Variants in YY1 observed in about 807,000 individuals in gnomAD.
YY1 encodes the protein transcriptional repressor protein YY1.
Under a neutral mutation model 35.6 loss-of-function variants are expected in YY1, and 2 were observed. That is an observed-to-expected ratio of 0.06 (90% CI 0.02 to 0.18). The LOEUF is 0.18. YY1 is among the 10% of genes least tolerant of loss of function. YY1 has a pLI of 1.00. For synonymous variants in YY1, 268 were observed against 238.9 expected (o/e 1.12, Z -1.12); for missense variants, 322 against 573.4 (o/e 0.56, Z 4.48).
At chr14:100,246,731 G>GT (rs1890839116) in intron 1 of YY1, among the ~76,000 whole-genome samples, 1 of 152,134 alleles carries the variant, frequency 6.6e-6, no homozygotes, top group South Asian at 2.1e-4. Flanking sequence ...AGTCATGACC[G>GT]TTTGCCATTC....
chr14:100,248,976 C>T (rs1890879883), intron 1 of YY1, among the ~76,000 whole-genome samples: 1 of 151,996 alleles, frequency 6.6e-6, no homozygotes, highest in Admixed American at 6.6e-5. Context: ...CGTTAGCCAT[C>T]ACGCCCAGCC....
Position 100,279,618 on chromosome 14 carries a change from C to T in YY1, c.*2018C>T, listed in dbSNP as rs1189418714. ...AGCCCATGGTGGAGGTCTTCAGTGC[C>T]GAGGGCTCGGATGAGAACGTGTAGT... On this transcript the variant is annotated 3_prime_UTR_variant, in exon 5 of 5. Transcript: ENST00000262238. 2 of 152,234 alleles carry T rather than the reference C, an allele frequency of 1.3e-5. No individual in the cohort carries two copies. The highest frequency in any genetic ancestry group is 2.9e-5 in the Non-Finnish European group (2 of 68,062). The allele number at this position is 152,234 out of a possible 1,614,324, so 9.4% of individuals were successfully genotyped here.
At chr14:100,272,936 C>T (rs1566780886) in intron 2 of YY1, among the ~76,000 whole-genome samples, 2 of 149,008 alleles carry the variant, frequency 1.3e-5, no homozygotes, top group Admixed American at 6.8e-5. Context: ...AGTAGTGGCC[C>T]CCAGCTAGTT....
intron 1 of YY1, among the ~76,000 whole-genome samples, chr14:100,242,378 GTTTTTTTTTTTTTTTT>G (rs57406488): frequency 9.1e-6 from 1 of 109,936 alleles, no homozygotes; most frequent in African/African-American, 3.1e-5. Flanking sequence ...TTTGTTTTTT[GTTTTTTTTTTTTTTTT>G]TTTTTTTTTT....
intron 3 of YY1, among the ~76,000 whole-genome samples, chr14:100,275,049 G>C (rs1891299459): frequency 2.0e-5 from 3 of 152,136 alleles, no homozygotes; most frequent in Admixed American, 1.3e-4. Flanking sequence ...TTAAGATCCT[G>C]GGTTGTGTCT....
At position 100,282,166 on chromosome 14, in the gene YY1, C is replaced by T. The variant is rs755550032; in HGVS notation, c.*4566C>T. 28 of 152,186 alleles carry T rather than the reference C, an allele frequency of 1.8e-4. No homozygotes were observed. The highest frequency in any genetic ancestry group is 3.7e-4 in the Non-Finnish European group (25 of 68,036). The allele number at this position is 152,186 out of a possible 1,614,324, so 9.4% of individuals were successfully genotyped here. On this transcript the variant is annotated 3_prime_UTR_variant, in exon 5 of 5. Transcript: ENST00000262238. Reference sequence around the variant, plus strand: ...AGCAGGCACCCAGCCCCATGTCCCCCGCCAGCATTCTGGATGTCAGAGGAG... The same window carrying T: ...AGCAGGCACCCAGCCCCATGTCCCCTGCCAGCATTCTGGATGTCAGAGGAG...
intron 2 of YY1, among the ~76,000 whole-genome samples, chr14:100,264,676 T>A (rs1297424771): frequency 6.6e-6 from 1 of 152,086 alleles, no homozygotes; most frequent in East Asian, 1.9e-4. Flanking sequence ...AGCGTTAACT[T>A]GGGAGAAGTC....
intron 1 of YY1, among the ~76,000 whole-genome samples, chr14:100,240,313 C>T (rs917423276): frequency 8.2e-5 from 12 of 146,590 alleles, no homozygotes; most frequent in Admixed American, 8.1e-4. Context: ...CCGGCCCGGG[C>T]GGGACGCGGG....
intron 2 of YY1, among the ~76,000 whole-genome samples, chr14:100,263,555 A>C (rs1036002918): frequency 6.6e-6 from 1 of 152,168 alleles, no homozygotes; most frequent in Non-Finnish European, 1.5e-5. Context: ...CAAAGATGTA[A>C]ACTTTTAAGT....
At chr14:100,246,117 G>A (rs867929727) in intron 1 of YY1, among the ~76,000 whole-genome samples, 1 of 152,174 alleles carries the variant, frequency 6.6e-6, no homozygotes. Context: ...AAGTTGCATT[G>A]CCATGTGCAT....
At chr14:100,253,550 A>C (rs1235823824) in intron 1 of YY1, among the ~76,000 whole-genome samples, 1 of 151,898 alleles carries the variant, frequency 6.6e-6, no homozygotes, top group Non-Finnish European at 1.5e-5. Flanking sequence ...CCCGAATAGC[A>C]GGGATTACAG....
intron 1 of YY1, among the ~76,000 whole-genome samples, chr14:100,244,550 T>TG (rs1255606041): frequency 6.6e-6 from 1 of 151,380 alleles, no homozygotes; most frequent in Non-Finnish European, 1.5e-5. Context: ...CCCAAAGTGT[T>TG]GGGATTACCA....
intron 1 of YY1, among the ~76,000 whole-genome samples, chr14:100,241,983 G>GC (rs1890751878): frequency 2.0e-5 from 3 of 150,822 alleles, no homozygotes; most frequent in African/African-American, 7.3e-5. Flanking sequence ...TCAAAAGGGG[G>GC]GGGGGGGCAT....
At chr14:100,258,838 C>G (rs915136191) in intron 1 of YY1, among the ~76,000 whole-genome samples, 1 of 152,220 alleles carries the variant, frequency 6.6e-6, no homozygotes. Flanking sequence ...CAATTGTATT[C>G]AGTGCTTTTC....
chr14:100,254,758 A>G (rs1417785125), intron 1 of YY1, among the ~76,000 whole-genome samples: 1 of 136,644 alleles, frequency 7.3e-6, no homozygotes, highest in Non-Finnish European at 1.6e-5. Flanking sequence ...TGCCTAGCCT[A>G]TTTTATTTAT....
intron 1 of YY1, among the ~76,000 whole-genome samples, chr14:100,246,117 G>T (rs867929727): frequency 2.0e-5 from 3 of 152,174 alleles, no homozygotes; most frequent in Non-Finnish European, 4.4e-5. Context: ...AAGTTGCATT[G>T]CCATGTGCAT....
chr14:100,250,734 C>T (rs954293311), intron 1 of YY1, among the ~76,000 whole-genome samples: 1 of 151,242 alleles, frequency 6.6e-6, no homozygotes, highest in African/African-American at 2.4e-5. Flanking sequence ...TATTAAGGAA[C>T]GTGGCTGGGT....
chr14:100,244,095 A>G (rs1019623613), intron 1 of YY1, among the ~76,000 whole-genome samples: 7 of 150,474 alleles, frequency 4.7e-5, no homozygotes, highest in Admixed American at 6.6e-5. Flanking sequence ...GCGACAGAGC[A>G]AGACTCCGTC....
intron 1 of YY1, among the ~76,000 whole-genome samples, chr14:100,260,771 CTTTTTTTTTTTTTTTTTTT>C (rs71113254): frequency 1.1e-3 from 48 of 42,568 alleles, no homozygotes; most frequent in Middle Eastern, 0.022. Flanking sequence ...GTGCCTGGTC[CTTTTTTTTTTTTTTTTTTT>C]TTTTTTTTTT....
Sources: allele counts gnomAD v4.1 joint callset (sites outside exome capture counted in the v4.1 genomes callset), GRCh38; gene constraint gnomAD v4.1.1; transcripts MANE v1.5; gene names NCBI Gene and HGNC (gene_info 2026-07-23, HGNC 2026-07-21).